The following SWAP70 variants were observed in gnomAD, a reference collection of about 807,000 sequenced individuals.
SWAP70 encodes the protein switching B cell complex subunit SWAP70.
In SWAP70, 34 loss-of-function variants were observed where a neutral mutation model predicts 80.2. The observed-to-expected ratio is 0.42, with a 90% CI of 0.32 to 0.56. The LOEUF (loss-of-function observed/expected upper bound fraction) is 0.56. Among genes scored for constraint, SWAP70 ranks in the 20% least tolerant of loss-of-function variants. The pLI, the probability that SWAP70 is intolerant of heterozygous loss-of-function variation, is 0.09. For missense variants in SWAP70, 578 were observed against 690.7 expected, an observed-to-expected ratio of 0.84 and a Z score of 1.83; for synonymous variants, 239 against 238.5, an observed-to-expected ratio of 1.00 and a Z score of -0.02.
chr11:9,689,984 G>A (rs1448947229), intron 1 of SWAP70, among the ~76,000 whole-genome samples: 6 of 152,204 alleles, frequency 3.9e-5, no homozygotes, highest in African/African-American at 9.7e-5. Flanking sequence ...GAAACAGAGG[G>A]AAGGTAGCAA....
chr11:9,731,159 A>G (rs770145461), intron 6 of SWAP70, among the ~76,000 whole-genome samples: 9 of 152,228 alleles, frequency 5.9e-5, no homozygotes, highest in Non-Finnish European at 1.3e-4. Flanking sequence ...AAAGTGTTCC[A>G]TTATTCCAAA....
chr11:9,732,398 C>CA, intron 6 of SWAP70, 131 bp from the exon 7 acceptor site: 1 of 965,164 alleles, frequency 1.0e-6, no homozygotes, highest in Non-Finnish European at 1.6e-6. Flanking sequence ...TATGGAGTGA[C>CA]AAAATCAGAA....
Position 9,750,622 on chromosome 11 carries a change from T to G in SWAP70, c.*652T>G, listed in dbSNP as rs1433019000. 1.3e-5 allele frequency: 2 copies of G among 152,308 alleles called. No individual in the cohort carries two copies. The highest frequency in any genetic ancestry group is 1.5e-5 in the Non-Finnish European group (1 of 68,092). 9.4% of individuals were successfully genotyped at this position (152,308 alleles called of 1,614,324 possible). On this transcript the variant is annotated 3_prime_UTR_variant, in exon 12 of 12. Transcript: ENST00000318950. ...ACAGCACAGTCAGCTCTGCAGAGTT[T>G]GGAGGGGCTCACTGCCACTGGGTAC...
At chr11:9,686,185 A>T (rs1039372649) in intron 1 of SWAP70, among the ~76,000 whole-genome samples, 2 of 151,882 alleles carry the variant, frequency 1.3e-5, no homozygotes, top group African/African-American at 4.8e-5. Context: ...GGCAGGTTGT[A>T]ATTAACTTTT....
chr11:9,688,185 G>T (rs1041847875), intron 1 of SWAP70, among the ~76,000 whole-genome samples: 14 of 152,236 alleles, frequency 9.2e-5, no homozygotes, highest in African/African-American at 3.4e-4. Flanking sequence ...TTTTTAGAAA[G>T]AATTCACTTA....
At chr11:9,676,419 G>C (rs184099067) in intron 1 of SWAP70, among the ~76,000 whole-genome samples, 1 of 152,138 alleles carries the variant, frequency 6.6e-6, no homozygotes, top group East Asian at 1.9e-4. Context: ...TGGGGGATTG[G>C]TTCCAGGACT....
intron 1 of SWAP70, among the ~76,000 whole-genome samples, chr11:9,675,998 C>T (rs1347056080): frequency 6.6e-6 from 1 of 152,192 alleles, no homozygotes; most frequent in Non-Finnish European, 1.5e-5. Flanking sequence ...ACCAGGAACA[C>T]TAAGTGATTG....
At chr11:9,701,003 A>G (rs11042475) in intron 2 of SWAP70, among the ~76,000 whole-genome samples, 15,648 of 152,046 alleles carry the variant, frequency 0.1, 1,568 homozygotes, top group African/African-American at 0.26. Flanking sequence ...GAGGAGGTTC[A>G]TACCAAGAGT....
chr11:9,734,540 T>C (rs1402549003), intron 7 of SWAP70, among the ~76,000 whole-genome samples: 1 of 152,258 alleles, frequency 6.6e-6, no homozygotes, highest in African/African-American at 2.4e-5. Flanking sequence ...AAAATTCTTA[T>C]AGATCGCTTA....
At chr11:9,695,801 ATAG>A (rs1447947504) in intron 2 of SWAP70, among the ~76,000 whole-genome samples, 1 of 151,778 alleles carries the variant, frequency 6.6e-6, no homozygotes, top group African/African-American at 2.4e-5. Flanking sequence ...TATACTGGCA[ATAG>A]TTGTTTTTTT....
intron 7 of SWAP70, among the ~76,000 whole-genome samples, chr11:9,734,950 G>T (rs977108076): frequency 3.3e-5 from 5 of 152,092 alleles, no homozygotes; most frequent in African/African-American, 1.2e-4. Context: ...CTGGAATTAG[G>T]TTACATATCT....
At chr11:9,671,371 T>G (rs1388608888) in intron 1 of SWAP70, among the ~76,000 whole-genome samples, 6 of 107,432 alleles carry the variant, frequency 5.6e-5, no homozygotes, top group Non-Finnish European at 8.4e-5. Context: ...TAAAATAAAA[T>G]AAAAATAAAA....
chr11:9,667,104 A>C lies in SWAP70; in HGVS notation c.99+2826A>C, dbSNP rs558914129. Among the ~76,000 whole-genome samples, 5 of 151,226 alleles carry C rather than the reference A, an allele frequency of 3.3e-5. No homozygotes were observed. The East Asian group carries it at 9.8e-4, about 30-fold the overall frequency. On this transcript the variant is annotated intron_variant, in intron 1 of 11. Coordinates refer to ENST00000318950, the MANE Select transcript of SWAP70 (RefSeq NM_015055.4). ...GGTCTCGAACTCCTGAGCTCAGGCA[A>C]TTTAACCAACTTGGCCTCCAGAAGT...
intron 9 of SWAP70, among the ~76,000 whole-genome samples, chr11:9,742,481 C>T (rs375420594): frequency 5.1e-4 from 78 of 151,924 alleles, no homozygotes; most frequent in African/African-American, 1.8e-3. Flanking sequence ...GGAGTACAGG[C>T]GCGCACCACC....
chr11:9,664,263 C>T lies in SWAP70; in HGVS notation c.84C>T (p.Ser28=). 1 of 1,582,364 alleles carries T rather than the reference C, an allele frequency of 6.3e-7. No homozygotes were observed. Among genetic ancestry groups the T allele is most frequent in the South Asian group, 1.2e-5 (1 of 86,160 alleles). ...ALDQDHSGKV[S]KSQLKVLSHN... ...ACCAGGACCACAGCGGCAAGGTCTC[C>T]AAGTCCCAGCTCAAGGTGGGCGCCT... is the stretch of plus-strand genomic sequence containing the variant. Residue 28 remains serine (S), a synonymous_variant, in exon 1 of 12, where the codon TCC becomes TCT. Transcript: ENST00000318950.
rs183496950 is a variant in SWAP70, at chr11:9,711,026, G to C, written c.241-2440G>C. Reference sequence around the variant, plus strand: ...TTTATTTATTTATTTATTTATTTTTGTATTGTTATACATATTTATTTATGT... The same window carrying C: ...TTTATTTATTTATTTATTTATTTTTCTATTGTTATACATATTTATTTATGT... On this transcript the variant is annotated intron_variant, in intron 2 of 11. Transcript: ENST00000318950. Among the ~76,000 whole-genome samples the C allele has an allele frequency of 5.1e-3, 648 of 126,380 alleles. 6 individuals carry two copies. The highest frequency in any genetic ancestry group is 0.017 in the African/African-American group (621 of 36,070). 82.9% of individuals were successfully genotyped at this position (126,380 alleles called of 152,430 possible).
Position 9,687,598 on chromosome 11 carries a change from A to G in SWAP70, c.100-6548A>G, listed in dbSNP as rs1243637223. Among the ~76,000 whole-genome samples the G allele has an allele frequency of 3.3e-5, 5 of 152,318 alleles. No individual in the cohort carries two copies. The East Asian group carries it at 9.6e-4, about 29-fold the overall frequency. ...TTGGTAAGTTATCCAAAATAACTTT[A>G]AAAAGGTGGTTCAGTTAGAGTGTAA... is the stretch of plus-strand genomic sequence containing the variant. On this transcript the variant is annotated intron_variant, in intron 1 of 11. Coordinates refer to ENST00000318950, the MANE Select transcript of SWAP70 (RefSeq NM_015055.4).
chr11:9,718,253 C>G (rs1224628910), intron 3 of SWAP70, among the ~76,000 whole-genome samples: 3 of 152,220 alleles, frequency 2.0e-5, no homozygotes, highest in Non-Finnish European at 2.9e-5. Flanking sequence ...CTTTTACTCT[C>G]TCATCATTTC....
chr11:9,672,621 A>G (rs1850433905), intron 1 of SWAP70, among the ~76,000 whole-genome samples: 1 of 134,634 alleles, frequency 7.4e-6, no homozygotes, highest in South Asian at 2.3e-4. Flanking sequence ...CAGTCCATCC[A>G]CCTACAAGTG....
Sources: allele counts gnomAD v4.1 joint callset (sites outside exome capture counted in the v4.1 genomes callset), GRCh38; gene constraint gnomAD v4.1.1; transcripts MANE v1.5; gene names NCBI Gene and HGNC (gene_info 2026-07-23, HGNC 2026-07-21).